Variants in KCNIP1 observed in about 807,000 individuals in gnomAD.
KCNIP1 encodes potassium voltage-gated channel interacting protein 1.
Under a neutral mutation model 33.0 loss-of-function variants are expected in KCNIP1, and 18 were observed. The ratio of observed to expected loss-of-function variants is 0.55; its 90% CI spans 0.38 to 0.81. The LOEUF (loss-of-function observed/expected upper bound fraction) is 0.81. Among genes scored for constraint, KCNIP1 ranks in the 30% least tolerant of loss-of-function variants. The pLI is 0.00. For missense variants in KCNIP1, 238 were observed against 271.6 expected (o/e 0.88, Z 0.87); for synonymous variants, 93 against 98.3 (o/e 0.95, Z 0.32).
At chr5:170,720,118 C>A (rs547528250) in intron 2 of KCNIP1, among the ~76,000 whole-genome samples, 61 of 152,288 alleles carry the variant, frequency 4.0e-4, no homozygotes, top group Non-Finnish European at 6.8e-4. Context: ...AATCTCTCCA[C>A]CTCACAGTGC....
chr5:170,626,403 G>C (rs913554638), intron 1 of KCNIP1, among the ~76,000 whole-genome samples: 1 of 152,152 alleles, frequency 6.6e-6, no homozygotes. Context: ...TTTCTAATGG[G>C]GGTGGGGAAG....
At chr5:170,499,450 C>T (rs552774477), upstream of KCNIP1, among the ~76,000 whole-genome samples, 30 of 152,204 alleles carry the variant, frequency 2.0e-4, no homozygotes, top group Non-Finnish European at 3.8e-4. Context: ...CTACCACTTA[C>T]TAAAGGAATT....
chr5:170,610,256 A>C (rs1759093624), intron 1 of KCNIP1, among the ~76,000 whole-genome samples: 1 of 152,186 alleles, frequency 6.6e-6, no homozygotes, highest in South Asian at 2.1e-4. Flanking sequence ...ATAAATACAC[A>C]CCAGCTTCTA....
chr5:170,574,878 G>A (rs979245543), intron 1 of KCNIP1, among the ~76,000 whole-genome samples: 1 of 152,190 alleles, frequency 6.6e-6, no homozygotes, highest in Non-Finnish European at 1.5e-5. Flanking sequence ...TGCAGACATG[G>A]GGGAAACGTG....
At chr5:170,618,025 G>C (rs1006972506) in intron 1 of KCNIP1, among the ~76,000 whole-genome samples, 1 of 152,166 alleles carries the variant, frequency 6.6e-6, no homozygotes, top group Admixed American at 6.5e-5. Flanking sequence ...TCTTCTCCAC[G>C]ACATCCCCAG....
At position 170,504,210 on chromosome 5, in the gene KCNIP1, G is replaced by C; in HGVS notation, c.-363G>C. ...GGACGGCGGCTCCCGCACCGCACGC[G>C]GCGCTGGCTCGGCAGCCTCGGCCGG... is the stretch of plus-strand genomic sequence containing the variant. On this transcript the variant is annotated 5_prime_UTR_variant, in exon 1 of 8. Coordinates refer to ENST00000328939, the MANE Select transcript of KCNIP1 (RefSeq NM_014592.4). This position sits in a 1 kb window ranked among gnomAD's most constrained non-coding sequence, Gnocchi z 6.0. The C allele has an allele frequency of 9.6e-7, 1 of 1,043,816 alleles. No individual in the cohort carries two copies. Among genetic ancestry groups the C allele is most frequent in the Non-Finnish European group, 1.2e-6 (1 of 868,880 alleles). The allele number at this position is 1,043,816 out of a possible 1,614,324, so 64.7% of individuals were successfully genotyped here.
intron 1 of KCNIP1, among the ~76,000 whole-genome samples, chr5:170,633,981 G>A (rs1369150711): frequency 3.9e-5 from 6 of 152,144 alleles, no homozygotes; most frequent in Admixed American, 3.3e-4. Context: ...GAGATGCTGC[G>A]GCTCTGGCCA....
intron 1 of KCNIP1, among the ~76,000 whole-genome samples, chr5:170,472,277 A>G (rs1054513694): frequency 1.5e-4 from 23 of 152,336 alleles, no homozygotes; most frequent in African/African-American, 5.3e-4. Context: ...TCTCGCAATG[A>G]GAGGCCTCCC....
At position 170,402,471 on chromosome 5, in the gene KCNIP1, T is replaced by C. The variant is rs566410431; in HGVS notation, c.88+48507T>C. On this transcript the variant is annotated intron_variant, in intron 1 of 7. Coordinates refer to the KCNIP1 transcript ENST00000377360. ...TGTTCCTGCTTGGGAGGCTGTCCTCTAGGTGGTTGCTGGGGGAACCAGGCT... is the reference window on the plus strand; with the variant it reads ...TGTTCCTGCTTGGGAGGCTGTCCTCCAGGTGGTTGCTGGGGGAACCAGGCT... 2.0e-4 allele frequency among the ~76,000 whole-genome samples: 31 copies of C among 152,296 alleles called. 1 individual carries two copies. The South Asian group carries it at 6.4e-3, about 32-fold the overall frequency.
At chr5:170,588,543 A>G (rs1758084864) in intron 1 of KCNIP1, among the ~76,000 whole-genome samples, 1 of 152,322 alleles carries the variant, frequency 6.6e-6, no homozygotes, top group African/African-American at 2.4e-5. Flanking sequence ...TGATTGTTTA[A>G]AGGGTTGGAA....
chr5:170,724,139 G>T (rs1038398318), intron 5 of KCNIP1, among the ~76,000 whole-genome samples: 8 of 152,176 alleles, frequency 5.3e-5, no homozygotes, highest in African/African-American at 1.4e-4. Context: ...ATTATTTAGA[G>T]AAATTATATT....
intron 1 of KCNIP1, among the ~76,000 whole-genome samples, chr5:170,361,104 T>G (rs1249937359): frequency 6.6e-6 from 1 of 152,178 alleles, no homozygotes; most frequent in East Asian, 1.9e-4. Context: ...TGCCCCTGGG[T>G]GCAGGCCCAC....
chr5:170,599,740 A>C (rs558220334), intron 1 of KCNIP1, among the ~76,000 whole-genome samples: 25 of 152,332 alleles, frequency 1.6e-4, no homozygotes, highest in African/African-American at 6.0e-4. Flanking sequence ...CCTGGAAGCC[A>C]AGCAGATGAG....
At chr5:170,478,872 C>T (rs1756913792) in intron 1 of KCNIP1, among the ~76,000 whole-genome samples, 1 of 151,702 alleles carries the variant, frequency 6.6e-6, no homozygotes, top group African/African-American at 2.4e-5. Context: ...ATCTAAGTTT[C>T]ATGCATGACT....
At chr5:170,620,390 G>A (rs1258336014) in intron 1 of KCNIP1, among the ~76,000 whole-genome samples, 1 of 152,184 alleles carries the variant, frequency 6.6e-6, no homozygotes, top group Non-Finnish European at 1.5e-5. Flanking sequence ...TAAGATTTAA[G>A]CTCAGAAATC....
chr5:170,697,302 T>C (rs1581513855), intron 1 of KCNIP1, among the ~76,000 whole-genome samples: 1 of 152,296 alleles, frequency 6.6e-6, no homozygotes, highest in Non-Finnish European at 1.5e-5. Context: ...ATTCTTAGGT[T>C]AAGTCCCTCA....
chr5:170,472,411 G>T (rs1306000647), intron 1 of KCNIP1, among the ~76,000 whole-genome samples: 1 of 152,164 alleles, frequency 6.6e-6, no homozygotes, highest in African/African-American at 2.4e-5. Flanking sequence ...GATGATCACA[G>T]TAATAACTGA....
chr5:170,426,286 C>T (rs1024288013), intron 1 of KCNIP1, among the ~76,000 whole-genome samples: 1 of 151,380 alleles, frequency 6.6e-6, no homozygotes, highest in Admixed American at 6.6e-5. Context: ...CACACACACA[C>T]AGTTTTTAAT....
chr5:170,577,837 A>G (rs1388399953), intron 1 of KCNIP1, among the ~76,000 whole-genome samples: 2 of 152,252 alleles, frequency 1.3e-5, no homozygotes, highest in African/African-American at 4.8e-5. Context: ...AAAGTCACCT[A>G]AATGTTTGTA....
Sources: gnomAD v4.1 joint callset for allele counts (sites outside exome capture counted in the v4.1 genomes callset) on GRCh38, gnomAD v4.1.1 for gene constraint, Gnocchi (gnomAD v3.1) non-coding constraint, MANE v1.5 for transcripts, NCBI Gene and HGNC (gene_info 2026-07-23, HGNC 2026-07-21) for gene names.